Variants in SAXO1 observed in about 807,000 individuals in gnomAD.
The protein encoded by SAXO1 is stabilizer of axonemal microtubules 1.
Under a neutral mutation model 17.5 loss-of-function variants are expected in SAXO1, and 21 were observed. The observed-to-expected ratio is 1.20, with a 90% CI of 0.85 to 1.72. The LOEUF is 1.72. Ranked by LOEUF, SAXO1 falls within the 40% of genes most tolerant of loss-of-function variation. The pLI is 0.00. For synonymous variants in SAXO1, 274 were observed against 216.5 expected (o/e 1.27, Z -2.33); for missense variants, 843 against 596.0 (o/e 1.41, Z -4.32).
At chr9:19,001,663 CA>C (rs78327852) in intron 1 of SAXO1, among the ~76,000 whole-genome samples, 235 of 130,624 alleles carry the variant, frequency 1.8e-3, no homozygotes, top group Admixed American at 2.3e-3. Context: ...AAGACTCCGT[CA>C]AAAAAAAAAA....
At chr9:19,027,791 T>G in intron 1 of SAXO1, 2 of 1,510,632 alleles carry the variant, frequency 1.3e-6, no homozygotes, top group Non-Finnish European at 9.1e-7. Flanking sequence ...GCTGGATGGC[T>G]TCCAGCCCAA....
chr9:18,950,698 C>A (rs1831996531), intron 2 of SAXO1, 60 bp downstream of exon 2: 1 of 1,441,788 alleles, frequency 6.9e-7, no homozygotes, highest in African/African-American at 1.4e-5. Flanking sequence ...TACATTAGCA[C>A]TGCATGTTAC....
chr9:18,928,923 G>C lies in SAXO1; in HGVS notation c.554C>G (p.Thr185Ser). Residue 185 changes from threonine (T) to serine (S), a missense_variant, in exon 4 of 4, where the codon ACC becomes AGC. By Grantham distance (58) the Thr-to-Ser change is moderately conservative. Coordinates refer to ENST00000380534, the MANE Select transcript of SAXO1 (RefSeq NM_153707.4). The stretch of plus-strand genomic sequence containing the variant: ...CATGGCCAGAGGTTTACAGCTTATG[G>C]TCTTCACAAGGCCTTTTATGGGGTA... ...DDYPIKGLVK[T>S]ISCKPLAMPK... is the part of the protein sequence containing the mutation. 6.2e-7 allele frequency: 1 copy of C among 1,614,164 alleles called. No homozygotes were observed. Among genetic ancestry groups the C allele is most frequent in the South Asian group, 1.1e-5 (1 of 91,080 alleles).
intron 1 of SAXO1, among the ~76,000 whole-genome samples, chr9:18,955,526 T>C (rs1832222656): frequency 6.6e-6 from 1 of 152,184 alleles, no homozygotes; most frequent in Admixed American, 6.6e-5. Context: ...ACTCTAAAAG[T>C]GTAGGAAAGA....
chr9:18,950,320 G>A (rs900153330), intron 2 of SAXO1, among the ~76,000 whole-genome samples: 2 of 152,028 alleles, frequency 1.3e-5, no homozygotes, highest in African/African-American at 4.8e-5. Flanking sequence ...AGAAAAAAAA[G>A]CTCATTTTTT....
At chr9:18,999,917 C>G (rs1231193848) in intron 1 of SAXO1, among the ~76,000 whole-genome samples, 6 of 145,990 alleles carry the variant, frequency 4.1e-5, no homozygotes, top group African/African-American at 1.5e-4. Flanking sequence ...GTGAGGAGCG[C>G]CTCTGCCCGG....
chr9:19,036,104 G>T (rs527965513), upstream of SAXO1, among the ~76,000 whole-genome samples: 1 of 151,294 alleles, frequency 6.6e-6, no homozygotes, highest in Non-Finnish European at 1.5e-5. Flanking sequence ...GGGGCCTGGC[G>T]GGGGGTAGGG....
chr9:18,960,745 C>T (rs1185218627), intron 1 of SAXO1, among the ~76,000 whole-genome samples: 1 of 152,122 alleles, frequency 6.6e-6, no homozygotes, highest in Non-Finnish European at 1.5e-5. Context: ...CGGCCCCCTG[C>T]ACTCCAGCCA....
chr9:18,977,528 G>A (rs1047656941), intron 1 of SAXO1, among the ~76,000 whole-genome samples: 3 of 152,136 alleles, frequency 2.0e-5, no homozygotes, highest in African/African-American at 7.2e-5. Flanking sequence ...ATAAGGGGTG[G>A]AATACAAATT....
At chr9:19,005,380 G>A (rs941827533) in intron 1 of SAXO1, among the ~76,000 whole-genome samples, 1 of 151,974 alleles carries the variant, frequency 6.6e-6, no homozygotes, top group Non-Finnish European at 1.5e-5. Context: ...TTTCAAAACT[G>A]ATTACAAAGC....
intron 1 of SAXO1, among the ~76,000 whole-genome samples, chr9:19,029,051 C>T (rs1488427571): frequency 1.3e-5 from 2 of 152,136 alleles, no homozygotes; most frequent in Admixed American, 6.6e-5. Flanking sequence ...ATCTTGTGGC[C>T]AAATATAAGA....
intron 3 of SAXO1, among the ~76,000 whole-genome samples, chr9:18,935,303 C>G (rs1728114325): frequency 1.3e-5 from 2 of 152,150 alleles, no homozygotes; most frequent in African/African-American, 4.8e-5. Flanking sequence ...GTAAGGCATT[C>G]ACACTTTGCC....
At chr9:19,034,276 G>C (rs561709553), upstream of SAXO1, among the ~76,000 whole-genome samples, 31 of 152,140 alleles carry the variant, frequency 2.0e-4, no homozygotes, top group Middle Eastern at 3.4e-3. Flanking sequence ...TTTTGTGTGG[G>C]GGGGGTTAGG....
Position 18,929,051 on chromosome 9 carries a change from A to C in SAXO1, c.426T>G (p.Asp142Glu). ...GCCTTGGTTGGTTCCAAGGCAAATA[A>C]TCAGCTGAAATTAAAGCAGAAGAGG... is the stretch of plus-strand genomic sequence containing the variant. ...KMECLPTYKADYLPWNQPRRE... is the reference protein window; with the variant it reads ...KMECLPTYKAEYLPWNQPRRE... Residue 142 changes from aspartate to glutamate, a missense_variant, in exon 4 of 4, where the codon GAT (aspartate) becomes GAG (glutamate). Transcript: ENST00000380534. 1 of 1,613,468 alleles carries C rather than the reference A, an allele frequency of 6.2e-7. No homozygotes were observed. Among genetic ancestry groups the C allele is most frequent in the Non-Finnish European group, 8.5e-7 (1 of 1,179,716 alleles).
chr9:18,969,357 C>A (rs1269318230), intron 1 of SAXO1, among the ~76,000 whole-genome samples: 1 of 152,192 alleles, frequency 6.6e-6, no homozygotes, highest in Non-Finnish European at 1.5e-5. Context: ...TGGAGTTTCA[C>A]TCTCTTCACA....
chr9:19,034,055 G>T (rs1835870821), upstream of SAXO1, among the ~76,000 whole-genome samples: 1 of 152,152 alleles, frequency 6.6e-6, no homozygotes, highest in Non-Finnish European at 1.5e-5. Flanking sequence ...AGGTGATTCT[G>T]GTCATGAAGC....
intron 1 of SAXO1, among the ~76,000 whole-genome samples, chr9:19,004,512 T>C (rs1834411146): frequency 6.6e-6 from 1 of 152,252 alleles, no homozygotes; most frequent in African/African-American, 2.4e-5. Flanking sequence ...GTGACACATA[T>C]ACACCATGGA....
upstream of SAXO1, among the ~76,000 whole-genome samples, chr9:19,034,052 T>TCC (rs1835870760): frequency 6.6e-6 from 1 of 152,204 alleles, no homozygotes; most frequent in Non-Finnish European, 1.5e-5. Flanking sequence ...GCCAGGTGAT[T>TCC]CTGGTCATGA....
intron 1 of SAXO1, among the ~76,000 whole-genome samples, chr9:18,955,594 C>T (rs903637881): frequency 6.6e-6 from 1 of 152,214 alleles, no homozygotes; most frequent in African/African-American, 2.4e-5. Flanking sequence ...CTTTCTTAGG[C>T]TTTCTCTGAC....
Sources: gnomAD v4.1 joint callset for allele counts (sites outside exome capture counted in the v4.1 genomes callset) on GRCh38, gnomAD v4.1.1 for gene constraint, MANE v1.5 for transcripts, NCBI Gene and HGNC (gene_info 2026-07-23, HGNC 2026-07-21) for gene names.